ODF2L: variants seen among roughly 807,000 people sequenced by gnomAD.
ODF2L encodes the protein protein BCAP.
ODF2L carries 76 observed loss-of-function variants against 86.3 expected under a neutral mutation model. The ratio of observed to expected loss-of-function variants is 0.88; its 90% CI spans 0.73 to 1.07. The LOEUF (loss-of-function observed/expected upper bound fraction) is 1.07. Among genes scored for constraint, ODF2L ranks in the 50% least tolerant of loss-of-function variants. ODF2L has a pLI of 0.00. For missense variants in ODF2L, 748 were observed against 717.4 expected (o/e 1.04, Z -0.49); for synonymous variants, 241 against 231.3 (o/e 1.04, Z -0.38).
At chr1:86,395,912 CCT>C (rs2101645589) in intron 1 of ODF2L, 119 bp downstream of exon 1, 1 of 152,306 alleles carries the variant, frequency 6.6e-6, no homozygotes, top group African/African-American at 2.4e-5. Flanking sequence ...GGCGCGAGGG[CCT>C]TTTACTTCCG....
At chr1:86,372,521 G>T in exon 9 of ODF2L, 1 of 1,512,196 alleles carries the variant, frequency 6.6e-7, no homozygotes, top group Non-Finnish European at 8.8e-7. Context: ...AGCTGAAATT[G>T]TTTCAGACAA....
At chr1:86,358,687 A>G in intron 13 of ODF2L, 100 bp downstream of exon 12, 1 of 479,616 alleles carries the variant, frequency 2.1e-6, no homozygotes, top group Non-Finnish European at 3.6e-6. Flanking sequence ...GCCCTTTCCT[A>G]AGTATGAACT....
chr1:86,386,551 A>C, intron 2 of ODF2L: 1 of 172,394 alleles, frequency 5.8e-6, no homozygotes, highest in Non-Finnish European at 1.2e-5. Flanking sequence ...ACATCTGGCT[A>C]ATTTTTGCAT....
exon 8 of ODF2L, chr1:86,376,399 G>A (rs763232126): frequency 1.3e-6 from 2 of 1,591,474 alleles, no homozygotes; most frequent in South Asian, 2.3e-5. Flanking sequence ...GTTCCACTTG[G>A]CTATCTTGGT....
At chr1:86,389,659 A>C (rs1661181251) in intron 1 of ODF2L, among the ~76,000 whole-genome samples, 1 of 152,170 alleles carries the variant, frequency 6.6e-6, no homozygotes, top group Non-Finnish European at 1.5e-5. Context: ...AAGATTAATC[A>C]AGAAGAGAAA....
chr1:86,362,302 T>A (rs1233834103), intron 11 of ODF2L, among the ~76,000 whole-genome samples: 1 of 151,962 alleles, frequency 6.6e-6, no homozygotes, highest in East Asian at 1.9e-4. Flanking sequence ...TAATTTGTAT[T>A]TATTAATTTA....
At chr1:86,354,199 C>A (rs1314454149) in intron 16 of ODF2L, among the ~76,000 whole-genome samples, 5 of 152,210 alleles carry the variant, frequency 3.3e-5, no homozygotes, top group South Asian at 2.1e-4. Flanking sequence ...AACTTTACAG[C>A]TCACTGAATC....
chr1:86,391,031 C>A (rs1304210792), intron 1 of ODF2L, among the ~76,000 whole-genome samples: 2 of 152,320 alleles, frequency 1.3e-5, no homozygotes, highest in South Asian at 4.1e-4. Context: ...TATACACCAA[C>A]AGTGACCACG....
At chr1:86,353,110 T>C (rs1040237178) in intron 16 of ODF2L, 126 bp from the exon 16 acceptor site, 21 of 634,782 alleles carry the variant, frequency 3.3e-5, no homozygotes, top group Admixed American at 1.6e-4. Flanking sequence ...AGTTTAAAGA[T>C]GTTCTATCTT....
At chr1:86,352,095 G>T (rs1047170094) in exon 18 of ODF2L, 4 of 1,408,756 alleles carry the variant, frequency 2.8e-6, no homozygotes, top group Non-Finnish European at 3.7e-6. Flanking sequence ...ACTTTTGATG[G>T]CAATAAAATC....
chr1:86,366,755 A>T (rs1558026275), intron 11 of ODF2L, among the ~76,000 whole-genome samples: 1 of 152,146 alleles, frequency 6.6e-6, no homozygotes, highest in Non-Finnish European at 1.5e-5. Context: ...TAAACGAAGG[A>T]TTAGGAGATA....
chr1:86,352,832 AAT>A, intron 17 of ODF2L, 25 bp downstream of exon 16: 1 of 1,357,876 alleles, frequency 7.4e-7, no homozygotes, highest in Non-Finnish European at 1.0e-6. Context: ...TATCTTTTAT[AAT>A]ATGTTAAGCC....
chr1:86,371,303 A>G (rs766660109), intron 9 of ODF2L, 150 bp from the exon 10 acceptor site: 2 of 461,218 alleles, frequency 4.3e-6, no homozygotes, highest in Non-Finnish European at 7.5e-6. Flanking sequence ...TAGAACAAGA[A>G]AAATAAGAAG....
chr1:86,380,344 A>T (rs1271140979), intron 7 of ODF2L, among the ~76,000 whole-genome samples: 1 of 152,112 alleles, frequency 6.6e-6, no homozygotes, highest in African/African-American at 2.4e-5. Flanking sequence ...AATTGTTTTT[A>T]AAAAACAAAA....
chr1:86,358,681 T>C, intron 13 of ODF2L, 106 bp downstream of exon 12: 1 of 470,344 alleles, frequency 2.1e-6, no homozygotes, highest in Non-Finnish European at 3.7e-6. Context: ...AGACTAGCCC[T>C]TTCCTAAGTA....
In ODF2L at chr1:86,383,255, TAGG is replaced by T. The variant is rs1660708175; in HGVS notation, c.373-62_373-60del. 8.0e-6 allele frequency: 7 copies of T among 880,192 alleles called. No homozygotes were observed. The East Asian group carries it at 1.8e-4, about 23-fold the overall frequency. The allele number at this position is 880,192 out of a possible 1,614,324, so 54.5% of individuals were successfully genotyped here. A position where few individuals can be genotyped will look rare whatever the true frequency, so the allele number is the denominator to read the frequency against. On this transcript the variant is annotated intron_variant, in intron 4 of 17. Coordinates refer to ENST00000317336, the Ensembl canonical transcript of ODF2L. ...AATTATATTTCTCTATATAAAAAAG[TAGG>T]AAGTGAAATAAGCACTACTCAATAA...
chr1:86,352,477 T>C (rs1017713028), intron 17 of ODF2L, among the ~76,000 whole-genome samples: 7 of 152,156 alleles, frequency 4.6e-5, no homozygotes, highest in Non-Finnish European at 5.9e-5. Context: ...AAACAAAATA[T>C]TCATTATTCA....
intron 7 of ODF2L, among the ~76,000 whole-genome samples, chr1:86,378,537 G>C (rs991826523): frequency 6.6e-6 from 1 of 152,196 alleles, no homozygotes; most frequent in African/African-American, 2.4e-5. Context: ...CTGAGACTGG[G>C]TGATTTACAA....
At chr1:86,371,434 CCACAAGTATG>C (rs1216890560) in intron 9 of ODF2L, among the ~76,000 whole-genome samples, 8 of 152,140 alleles carry the variant, frequency 5.3e-5, no homozygotes, top group African/African-American at 1.9e-4. Context: ...AAACTATTAT[CCACAAGTATG>C]CACATCTCTC....
Sources: allele counts gnomAD v4.1 joint callset (sites outside exome capture counted in the v4.1 genomes callset), GRCh38; gene constraint gnomAD v4.1.1; transcripts MANE v1.5; gene names NCBI Gene and HGNC (gene_info 2026-07-23, HGNC 2026-07-21).